Variants in PREPL observed in about 807,000 individuals in gnomAD.
PREPL encodes the protein prolyl endopeptidase like.
A neutral mutation model predicts 70.6 loss-of-function variants in PREPL; 77 were observed. The ratio of observed to expected loss-of-function variants is 1.09; its 90% confidence interval spans 0.91 to 1.32. The LOEUF (loss-of-function observed/expected upper bound fraction) is 1.32, where lower values mean the gene tolerates loss of function less well. Ranked by LOEUF, PREPL falls within the 40% of genes most tolerant of loss-of-function variation. The pLI is 0.00. For synonymous variants in PREPL, 315 were observed against 264.8 expected (o/e 1.19, Z -1.84); for missense variants, 1,002 against 778.2 (o/e 1.29, Z -3.42).
rs943799975 is a variant in PREPL, at chr2:44,318,994, G to A, written c.*2362C>T. 1 of 152,200 alleles carries A rather than the reference G, an allele frequency of 6.6e-6. No individual in the cohort carries two copies. Among genetic ancestry groups the A allele is most frequent in the Non-Finnish European group, 1.5e-5 (1 of 68,028 alleles). 9.4% of individuals were successfully genotyped at this position (152,200 alleles called of 1,614,324 possible). A position where few individuals can be genotyped will look rare whatever the true frequency, so the allele number is the denominator to read the frequency against. ...GTAGTAACTCAAGTAGACAATAATA[G>A]CTAACACTTACCGGGCACTTCTTAT... On this transcript the variant is annotated 3_prime_UTR_variant, in exon 14 of 14. Transcript: ENST00000409411.
intron 1 of PREPL, among the ~76,000 whole-genome samples, chr2:44,356,608 G>A (rs1387827304): frequency 6.6e-6 from 1 of 152,162 alleles, no homozygotes; most frequent in East Asian, 1.9e-4. Context: ...TTTTCATTAC[G>A]CAGATGTGGG....
At chr2:44,355,751 T>TTATATATATATATATATACATA (rs1676962745) in intron 1 of PREPL, among the ~76,000 whole-genome samples, 2 of 141,360 alleles carry the variant, frequency 1.4e-5, no homozygotes, top group African/African-American at 2.7e-5. Context: ...AAACTACATA[T>TTATATATATATATATATACATA]TATATATATA....
At chr2:44,325,633 G>T (rs7562945) in intron 10 of PREPL, among the ~76,000 whole-genome samples, 115,219 of 152,058 alleles carry the variant, frequency 0.76, 44,571 homozygotes, top group African/African-American at 0.85. Context: ...TAGTTGCTTT[G>T]TCTTTAAACT....
intron 8 of PREPL, among the ~76,000 whole-genome samples, chr2:44,330,561 C>T (rs1357626171): frequency 6.6e-6 from 1 of 152,052 alleles, no homozygotes; most frequent in Non-Finnish European, 1.5e-5. Flanking sequence ...AAGATTTGTT[C>T]TGTATTTTTG....
At chr2:44,330,538 G>A (rs371565054) in intron 8 of PREPL, among the ~76,000 whole-genome samples, 1 of 152,298 alleles carries the variant, frequency 6.6e-6, no homozygotes, top group African/African-American at 2.4e-5. Flanking sequence ...ATGGTACTGA[G>A]AAGTAGTCAT....
chr2:44,344,480 C>A, intron 3 of PREPL, 40 bp downstream of exon 3: 1 of 1,341,104 alleles, frequency 7.5e-7, no homozygotes, highest in Non-Finnish European at 1.0e-6. Flanking sequence ...AATATGAAAT[C>A]TGAAAATTAG....
chr2:44,340,909 C>CA (rs1198700928), intron 5 of PREPL, among the ~76,000 whole-genome samples: 2 of 142,212 alleles, frequency 1.4e-5, no homozygotes, highest in African/African-American at 5.4e-5. Flanking sequence ...GTCTGGGTGA[C>CA]AGAGTGAGAC....
At chr2:44,354,179 T>C (rs561181927) in intron 1 of PREPL, among the ~76,000 whole-genome samples, 2 of 152,136 alleles carry the variant, frequency 1.3e-5, no homozygotes, top group Admixed American at 6.5e-5. Context: ...ACAAAAAAAG[T>C]ATCAAAGACC....
chr2:44,340,682 C>T (rs1043155290), intron 5 of PREPL, among the ~76,000 whole-genome samples: 1 of 152,050 alleles, frequency 6.6e-6, no homozygotes, highest in East Asian at 1.9e-4. Context: ...AATCCCAGCA[C>T]TCTGGGAGGC....
At chr2:44,359,539 T>A in intron 1 of PREPL, 1 of 1,613,550 alleles carries the variant, frequency 6.2e-7, no homozygotes, top group South Asian at 1.1e-5. Context: ...TTGCTAACTC[T>A]GATATCTTGG....
At chr2:44,346,959 G>A (rs1403760833) in intron 1 of PREPL, among the ~76,000 whole-genome samples, 1 of 151,992 alleles carries the variant, frequency 6.6e-6, no homozygotes, top group African/African-American at 2.4e-5. Context: ...AAATTTAAAT[G>A]GGTCTGAGAA....
At chr2:44,358,568 A>G (rs1426394113) in intron 1 of PREPL, among the ~76,000 whole-genome samples, 1 of 152,178 alleles carries the variant, frequency 6.6e-6, no homozygotes, top group East Asian at 1.9e-4. Flanking sequence ...TAGGATGACC[A>G]TATAATTTAC....
rs751987330 is a variant in PREPL, at chr2:44,332,514, T to C, written c.1031A>G (p.His344Arg). The C allele has an allele frequency of 1.2e-6, 2 of 1,614,062 alleles. No homozygotes were observed. The highest frequency in any genetic ancestry group is 2.2e-5 in the South Asian group (2 of 91,086). The change falls in exon 8 of 14, where the codon CAT (histidine) becomes CGT (arginine). Residue 344 changes from histidine (H) to arginine (R), a missense_variant. Transcript: ENST00000409411. ...ACTAGTCTTTGTGATTGGGTCTTCA[T>C]GCCCAGTTTCCTCAAACAGTTTGCC... ...AEGKLFEETG[H>R]EDPITKTSRV... is the part of the protein sequence containing the mutation.
At chr2:44,333,252 C>T (rs539089227) in intron 7 of PREPL, among the ~76,000 whole-genome samples, 2 of 152,234 alleles carry the variant, frequency 1.3e-5, no homozygotes, top group South Asian at 4.2e-4. Context: ...CTCTGAGAGA[C>T]TCACAGCTAT....
chr2:44,341,515 T>C (rs1423212099), intron 5 of PREPL, among the ~76,000 whole-genome samples: 5 of 152,046 alleles, frequency 3.3e-5, no homozygotes, highest in Non-Finnish European at 5.9e-5. Context: ...CTTAGTTTGG[T>C]GATGACAAAT....
At chr2:44,334,648 T>C (rs1015429268) in intron 7 of PREPL, among the ~76,000 whole-genome samples, 5 of 152,176 alleles carry the variant, frequency 3.3e-5, no homozygotes, top group Admixed American at 2.6e-4. Flanking sequence ...CGGCTTCAAG[T>C]GACTCTCCTG....
chr2:44,357,401 G>A (rs577499382), intron 1 of PREPL, among the ~76,000 whole-genome samples: 4 of 152,156 alleles, frequency 2.6e-5, no homozygotes, highest in African/African-American at 7.2e-5. Flanking sequence ...CACAGCTGCC[G>A]GGGCATCTTT....
intron 10 of PREPL, among the ~76,000 whole-genome samples, 176 bp downstream of exon 10, chr2:44,326,536 C>T (rs969511610): frequency 1.3e-5 from 2 of 151,482 alleles, no homozygotes; most frequent in African/African-American, 4.9e-5. Context: ...CAGGGTCTCG[C>T]CATGTTGCCC....
At chr2:44,350,144 T>TA (rs1251532818) in intron 1 of PREPL, among the ~76,000 whole-genome samples, 1 of 152,090 alleles carries the variant, frequency 6.6e-6, no homozygotes, top group Non-Finnish European at 1.5e-5. Flanking sequence ...ATGAGACAAT[T>TA]AAAAAAATCA....
Sources: gnomAD v4.1 joint callset for allele counts (sites outside exome capture counted in the v4.1 genomes callset) on GRCh38, gnomAD v4.1.1 for gene constraint, MANE v1.5 for transcripts, NCBI Gene and HGNC (gene_info 2026-07-23, HGNC 2026-07-21) for gene names.